CABLES1: variants seen among roughly 807,000 people sequenced by gnomAD.
The protein encoded by CABLES1 is CDK5 and ABL1 enzyme substrate 1.
CABLES1 carries 36 observed loss-of-function variants against 57.8 expected under a neutral mutation model. That is an observed-to-expected ratio of 0.62 (90% CI 0.48 to 0.82). The LOEUF (loss-of-function observed/expected upper bound fraction) is 0.82, where lower values mean the gene tolerates loss of function less well. CABLES1 is among the 40% of genes least tolerant of loss of function. The pLI, the probability that CABLES1 is intolerant of heterozygous loss-of-function variation, is 0.00. For missense variants in CABLES1, 767 were observed against 836.6 expected (o/e 0.92, Z 1.03); for synonymous variants, 374 against 363.0 (o/e 1.03, Z -0.35).
chr18:23,253,978 C>T (rs759015818), intron 9 of CABLES1, 42 bp downstream of exon 9: 20 of 1,553,792 alleles, frequency 1.3e-5, no homozygotes, highest in Middle Eastern at 1.7e-4. Context: ...GCACATGCTC[C>T]GGTCCGGGGT....
At chr18:23,222,571 GATTAGATATATAGATATATATA>G (rs984755863) in intron 4 of CABLES1, among the ~76,000 whole-genome samples, 4 of 147,836 alleles carry the variant, frequency 2.7e-5, no homozygotes, top group Non-Finnish European at 3.0e-5. Context: ...GATATATATA[GATTAGATATATAGATATATATA>G]ATTAGATATA....
chr18:23,135,268 C>A (rs930292021), upstream of CABLES1, among the ~76,000 whole-genome samples: 33 of 152,310 alleles, frequency 2.2e-4, no homozygotes, highest in South Asian at 4.1e-4. Flanking sequence ...CCGGGCCGAT[C>A]CCCCGCCCCA....
intron 4 of CABLES1, among the ~76,000 whole-genome samples, chr18:23,226,356 C>T (rs978406964): frequency 3.3e-5 from 5 of 149,846 alleles, no homozygotes; most frequent in Non-Finnish European, 7.4e-5. Context: ...GAGCCAAGAT[C>T]GTGCCATTGC....
At chr18:23,154,611 C>T (rs2046953857) in intron 1 of CABLES1, among the ~76,000 whole-genome samples, 1 of 152,176 alleles carries the variant, frequency 6.6e-6, no homozygotes, top group Non-Finnish European at 1.5e-5. Flanking sequence ...TAATGGGACT[C>T]TTGTATCCCA....
At chr18:23,145,307 G>A (rs1208956515) in intron 1 of CABLES1, among the ~76,000 whole-genome samples, 3 of 152,072 alleles carry the variant, frequency 2.0e-5, no homozygotes, top group Non-Finnish European at 2.9e-5. Context: ...TCTTGACCTC[G>A]TGATCTGCCT....
intron 1 of CABLES1, among the ~76,000 whole-genome samples, chr18:23,140,257 A>G (rs2046849160): frequency 6.6e-6 from 1 of 152,072 alleles, no homozygotes; most frequent in African/African-American, 2.4e-5. Flanking sequence ...GCTTCCATTC[A>G]CTTCAAAAAC....
Position 23,191,906 on chromosome 18 carries a change from TAAAAAAAAAAAAAAA to T in CABLES1, c.918-2521_918-2507del, listed in dbSNP as rs147984743. 2.2e-3 allele frequency among the ~76,000 whole-genome samples: 179 copies of T among 82,638 alleles called. 2 individuals are homozygous for T. The highest frequency in any genetic ancestry group is 3.6e-3 in the African/African-American group (74 of 20,644). The allele number at this position is 82,638 out of a possible 152,430, so 54.2% of individuals were successfully genotyped here. ...TTCCCTGGTGATTTGGTTGAATGCT[TAAAAAAAAAAAAAAA>T]AAAAAAAAAAAAAAAAAAAAGGCAA... On this transcript the variant is annotated intron_variant, in intron 2 of 9. Transcript: ENST00000256925.
At chr18:23,232,798 T>A (rs1399192086) in intron 4 of CABLES1, among the ~76,000 whole-genome samples, 1 of 152,026 alleles carries the variant, frequency 6.6e-6, no homozygotes, top group Non-Finnish European at 1.5e-5. Context: ...ACATTATGGG[T>A]AGGATAAGGG....
chr18:23,184,071 C>G (rs1157359724), intron 1 of CABLES1, among the ~76,000 whole-genome samples: 1 of 152,138 alleles, frequency 6.6e-6, no homozygotes, highest in Non-Finnish European at 1.5e-5. Flanking sequence ...GCTGGAAGGG[C>G]AGGCATCCTT....
In CABLES1 at chr18:23,258,618, T is replaced by C. The variant is rs2048223698; in HGVS notation, c.*1251T>C. The C allele has an allele frequency of 1.3e-5, 2 of 152,262 alleles. No individual in the cohort carries two copies. The highest frequency in any genetic ancestry group is 2.1e-4 in the South Asian group (1 of 4,826). The allele number at this position is 152,262 out of a possible 1,614,324, so 9.4% of individuals were successfully genotyped here. On this transcript the variant is annotated 3_prime_UTR_variant, in exon 10 of 10. Transcript: ENST00000256925. ...CCTGACTGAAGAGAGCCTGTGGCCA[T>C]GTAAAAAGAGAATTAAACTCTTGTT...
intron 4 of CABLES1, among the ~76,000 whole-genome samples, chr18:23,218,937 C>G (rs1410819306): frequency 3.3e-5 from 5 of 152,172 alleles, no homozygotes; most frequent in Non-Finnish European, 7.3e-5. Flanking sequence ...CAGGGAGGCA[C>G]TGGAGAACAC....
chr18:23,192,918 G>A lies in CABLES1; in HGVS notation c.918-1530G>A, dbSNP rs116338119. 8.7e-3 allele frequency among the ~76,000 whole-genome samples: 1,326 copies of A among 152,200 alleles called. 20 individuals carry two copies. Among genetic ancestry groups the A allele is most frequent in the African/African-American group, 0.031 (1,268 of 41,502 alleles). ...TAAATCTGGGTTTAGTGGCCCAGGC[G>A]CAGTGGCTCACACCTATAATCCCAG... On this transcript the variant is annotated intron_variant, in intron 2 of 9. Coordinates refer to ENST00000256925, the MANE Select transcript of CABLES1 (RefSeq NM_001100619.3).
chr18:23,160,039 CTTT>C (rs869231402), intron 1 of CABLES1, among the ~76,000 whole-genome samples: 3 of 140,886 alleles, frequency 2.1e-5, no homozygotes, highest in Non-Finnish European at 1.6e-5. Flanking sequence ...CAAGCAAGAA[CTTT>C]TTTTTTTTTT....
chr18:23,214,343 T>C (rs958541738), intron 4 of CABLES1: 5 of 284,912 alleles, frequency 1.8e-5, no homozygotes, highest in African/African-American at 1.1e-4. Context: ...GGGCCCACCA[T>C]ATTCCACAGG....
intron 1 of CABLES1, among the ~76,000 whole-genome samples, chr18:23,174,415 ATC>A (rs1436292628): frequency 6.6e-6 from 1 of 151,758 alleles, no homozygotes; most frequent in African/African-American, 2.4e-5. Context: ...GTATCTTGGC[ATC>A]TTTCTTTGAT....
At chr18:23,205,794 G>A (rs958648901) in intron 3 of CABLES1, among the ~76,000 whole-genome samples, 3 of 152,154 alleles carry the variant, frequency 2.0e-5, no homozygotes, top group Non-Finnish European at 2.9e-5. Flanking sequence ...AGGAGTTCAA[G>A]GCAGCAGTGA....
intron 1 of CABLES1, among the ~76,000 whole-genome samples, chr18:23,143,702 C>G (rs2046872614): frequency 6.6e-6 from 1 of 152,140 alleles, no homozygotes; most frequent in Non-Finnish European, 1.5e-5. Context: ...GTGCTCTGTG[C>G]CCAGGAAGTG....
Position 23,257,818 on chromosome 18 carries a change from C to CT in CABLES1, c.*451_*452insT, listed in dbSNP as rs1037104935. 1 of 154,642 alleles carries CT rather than the reference C, an allele frequency of 6.5e-6. No individual in the cohort carries two copies. Among genetic ancestry groups the CT allele is most frequent in the African/African-American group, 2.4e-5 (1 of 41,436 alleles). The allele number at this position is 154,642 out of a possible 1,614,324, so 9.6% of individuals were successfully genotyped here. Reference sequence around the variant, plus strand: ...ACCCTCATTGTGTCAAAGAGTGTGCCAATCTATTTTTGTATCAGCATTGGA... The same window carrying CT: ...ACCCTCATTGTGTCAAAGAGTGTGCCTAATCTATTTTTGTATCAGCATTGGA... On this transcript the variant is annotated 3_prime_UTR_variant, in exon 10 of 10. Coordinates refer to ENST00000256925, the MANE Select transcript of CABLES1 (RefSeq NM_001100619.3).
At chr18:23,170,945 C>T (rs929501703) in intron 1 of CABLES1, among the ~76,000 whole-genome samples, 8 of 152,114 alleles carry the variant, frequency 5.3e-5, no homozygotes, top group Admixed American at 1.3e-4. Flanking sequence ...TACAGGCGTC[C>T]GCCACCACAC....
Sources: allele counts gnomAD v4.1 joint callset (sites outside exome capture counted in the v4.1 genomes callset), GRCh38; gene constraint gnomAD v4.1.1; transcripts MANE v1.5; gene names NCBI Gene and HGNC (gene_info 2026-07-23, HGNC 2026-07-21).